TTC28: variants seen among roughly 807,000 people sequenced by gnomAD.
TTC28 encodes tetratricopeptide repeat protein 28.
Under a neutral mutation model 198.0 loss-of-function variants are expected in TTC28, and 61 were observed. That is an observed-to-expected ratio of 0.31 (90% CI 0.25 to 0.38). TTC28 has a LOEUF of 0.38. Among genes scored for constraint, TTC28 ranks in the 10% least tolerant of loss-of-function variants. The pLI is 1.00. For synonymous variants in TTC28, 1,171 were observed against 1,297.8 expected (o/e 0.90, Z 2.10); for missense variants, 2,678 against 3,164.0 (o/e 0.85, Z 3.69).
intron 5 of TTC28, among the ~76,000 whole-genome samples, chr22:28,263,366 T>C (rs1402106201): frequency 1.3e-5 from 2 of 152,124 alleles, no homozygotes; most frequent in Non-Finnish European, 2.9e-5. Flanking sequence ...ATTGCATTTC[T>C]GATTCACATA....
At chr22:27,992,891 C>T (rs1220996855) in intron 18 of TTC28, 3 of 582,736 alleles carry the variant, frequency 5.1e-6, no homozygotes, top group African/African-American at 1.9e-5. Flanking sequence ...GTCCTCTAGG[C>T]GTGGCCACAC....
chr22:28,061,636 T>C (rs2146739093), intron 12 of TTC28, among the ~76,000 whole-genome samples: 1 of 152,342 alleles, frequency 6.6e-6, no homozygotes, highest in Non-Finnish European at 1.5e-5. Context: ...TAGTACAGTT[T>C]GAAGTCAGGT....
At chr22:28,200,040 T>C (rs985900953) in intron 5 of TTC28, among the ~76,000 whole-genome samples, 1 of 152,148 alleles carries the variant, frequency 6.6e-6, no homozygotes, top group Admixed American at 6.6e-5. Context: ...TCTATAAATA[T>C]GTATTGTTTA....
chr22:27,998,839 G>A lies in TTC28; in HGVS notation c.4820C>T (p.Thr1607Ile), dbSNP rs1468220866. ...DCPPLQELLL[T>I]AADVLDLQLP... Reference sequence around the variant, plus strand: ...CTGCAGGTCCAGGACGTCGGCGGCAGTAAGCAGCAGCTCCTGCAGGGGCGG... The same window carrying A: ...CTGCAGGTCCAGGACGTCGGCGGCAATAAGCAGCAGCTCCTGCAGGGGCGG... The change falls in exon 16 of 23, where the codon ACT (threonine) becomes ATT (isoleucine). Residue 1607 changes from threonine to isoleucine, a missense_variant. Thr to Ile is a moderately conservative substitution (Grantham distance 89). Transcript: ENST00000397906. The A allele has an allele frequency of 6.5e-7, 1 of 1,550,180 alleles. No individual in the cohort carries two copies. The highest frequency in any genetic ancestry group is 1.4e-5 in the African/African-American group (1 of 73,074).
chr22:28,045,207 G>C (rs1939816147), intron 12 of TTC28, among the ~76,000 whole-genome samples: 1 of 152,050 alleles, frequency 6.6e-6, no homozygotes, highest in Non-Finnish European at 1.5e-5. Flanking sequence ...GAAATGCTTG[G>C]GACCAGAAGC....
At chr22:28,062,413 CTTTTTTTT>C (rs57398979) in intron 12 of TTC28, among the ~76,000 whole-genome samples, 13 of 102,344 alleles carry the variant, frequency 1.3e-4, no homozygotes, top group Non-Finnish European at 2.6e-4. Context: ...TTTAACTCTT[CTTTTTTTT>C]TTTTTTTTTT....
chr22:28,281,475 C>G (rs1287068085), intron 5 of TTC28, among the ~76,000 whole-genome samples: 1 of 152,098 alleles, frequency 6.6e-6, no homozygotes, highest in African/African-American at 2.4e-5. Context: ...TTCCTATCCA[C>G]TCTTTATAAG....
At chr22:28,367,913 C>G (rs1274760797) in intron 2 of TTC28, among the ~76,000 whole-genome samples, 1 of 151,956 alleles carries the variant, frequency 6.6e-6, no homozygotes, top group Non-Finnish European at 1.5e-5. Context: ...GAGATTAAAG[C>G]TGTAATAAAA....
intron 1 of TTC28, among the ~76,000 whole-genome samples, chr22:28,651,954 C>G (rs946667556): frequency 1.3e-5 from 2 of 152,190 alleles, no homozygotes; most frequent in Non-Finnish European, 2.9e-5. Context: ...ACTCTCCTGC[C>G]TCAGCCTCCC....
intron 2 of TTC28, among the ~76,000 whole-genome samples, chr22:28,378,379 A>T (rs1156827077): frequency 6.7e-6 from 1 of 149,732 alleles, no homozygotes; most frequent in Non-Finnish European, 1.5e-5. Flanking sequence ...AAACCAGAGG[A>T]GCTGGGCACA....
chr22:27,990,108 C>G, intron 20 of TTC28, 101 bp from the exon 21 acceptor site: 1 of 1,421,686 alleles, frequency 7.0e-7, no homozygotes. Context: ...ACTGGCATCG[C>G]TAATGACCCT....
At chr22:28,506,282 C>T (rs907837558) in intron 2 of TTC28, among the ~76,000 whole-genome samples, 1 of 152,182 alleles carries the variant, frequency 6.6e-6, no homozygotes, top group African/African-American at 2.4e-5. Flanking sequence ...AGCACAGCTG[C>T]CTTGTCAGGT....
chr22:28,059,557 TATC>T (rs1360299911), intron 12 of TTC28, among the ~76,000 whole-genome samples: 1 of 152,076 alleles, frequency 6.6e-6, no homozygotes, highest in Non-Finnish European at 1.5e-5. Context: ...GGTGTTTTTG[TATC>T]ATCTATGTTT....
At chr22:28,422,688 A>C (rs2047278709) in intron 2 of TTC28, among the ~76,000 whole-genome samples, 1 of 151,570 alleles carries the variant, frequency 6.6e-6, no homozygotes, top group South Asian at 2.1e-4. Flanking sequence ...CTCACGATTC[A>C]CCCACCTCGG....
At chr22:28,564,081 A>G (rs890250426) in intron 2 of TTC28, among the ~76,000 whole-genome samples, 1 of 152,204 alleles carries the variant, frequency 6.6e-6, no homozygotes, top group Non-Finnish European at 1.5e-5. Context: ...AATACCCAGA[A>G]TAGGTAAATC....
chr22:28,250,075 GGACA>G (rs1281190112), intron 5 of TTC28, among the ~76,000 whole-genome samples: 2 of 152,144 alleles, frequency 1.3e-5, no homozygotes, highest in African/African-American at 4.8e-5. Flanking sequence ...CTCAGTCCCA[GGACA>G]GTCATGGAGA....
intron 5 of TTC28, among the ~76,000 whole-genome samples, chr22:28,233,419 T>C (rs1928968280): frequency 6.6e-6 from 1 of 152,238 alleles, no homozygotes; most frequent in Non-Finnish European, 1.5e-5. Context: ...TACACATTTT[T>C]ATTAATGTAT....
chr22:28,583,016 G>A (rs1444220675), intron 2 of TTC28, among the ~76,000 whole-genome samples: 1 of 152,058 alleles, frequency 6.6e-6, no homozygotes, highest in Non-Finnish European at 1.5e-5. Flanking sequence ...AGAAATACCA[G>A]GTTAGGCTAG....
chr22:28,505,109 T>G (rs571494276), intron 2 of TTC28, among the ~76,000 whole-genome samples: 2 of 151,490 alleles, frequency 1.3e-5, no homozygotes, highest in East Asian at 2.0e-4. Flanking sequence ...ACAAAAAAAG[T>G]AGCCAGGCAT....
Sources: gnomAD v4.1 joint callset for allele counts (sites outside exome capture counted in the v4.1 genomes callset) on GRCh38, gnomAD v4.1.1 for gene constraint, MANE v1.5 for transcripts, NCBI Gene and HGNC (gene_info 2026-07-23, HGNC 2026-07-21) for gene names.